Variants in NBEA observed in about 807,000 individuals in gnomAD.
NBEA encodes the protein lysosomal-trafficking regulator 2.
A neutral mutation model predicts 343.4 loss-of-function variants in NBEA; 44 were observed. The ratio of observed to expected loss-of-function variants is 0.13; its 90% confidence interval spans 0.10 to 0.16. NBEA has a LOEUF of 0.16. Ranked by LOEUF, NBEA falls within the 10% of genes least tolerant of loss-of-function variation. The probability of loss-of-function intolerance (pLI) is 1.00; values close to 1 mark genes in which losing one functional copy is unlikely to be tolerated. For synonymous variants in NBEA, 1,175 were observed against 1,238.7 expected, an observed-to-expected ratio of 0.95 and a Z score of 1.08; for missense variants, 2,555 against 3,631.3, an observed-to-expected ratio of 0.70 and a Z score of 7.62.
intron 4 of NBEA, among the ~76,000 whole-genome samples, chr13:35,047,227 GTA>G (rs1464870835): frequency 6.6e-6 from 1 of 150,956 alleles, no homozygotes; most frequent in Non-Finnish European, 1.5e-5. Flanking sequence ...GTGTGTGTGT[GTA>G]TTTTTTTTAA....
Position 35,667,393 on chromosome 13 carries a change from C to T in NBEA, c.8484C>T (p.His2828=), listed in dbSNP as rs748575105. The T allele has an allele frequency of 2.5e-6, 4 of 1,613,916 alleles. No homozygotes were observed. The East Asian group carries it at 6.7e-5, about 27-fold the overall frequency. ...TTGCAGAGGGCCCTTGCCTTGTCCA[C>T]ACCATCACTGGAGATTTGCTGAGAG... ...SGAKEGPCLV[H]TITGDLLRAL... is the part of the protein sequence containing the mutation. Residue 2828 remains histidine (H), a synonymous_variant, in exon 57 of 59, where the codon CAC becomes CAT. Transcript: ENST00000379939.
intron 17 of NBEA, among the ~76,000 whole-genome samples, chr13:35,134,226 C>G (rs2067591808): frequency 6.6e-6 from 1 of 151,908 alleles, no homozygotes; most frequent in South Asian, 2.1e-4. Context: ...TGACATATCT[C>G]TCTCAGAATG....
At chr13:35,664,903 C>A (rs537321849) in intron 55 of NBEA, among the ~76,000 whole-genome samples, 182 bp from the exon 56 acceptor site, 1 of 152,288 alleles carries the variant, frequency 6.6e-6, no homozygotes, top group South Asian at 2.1e-4. Context: ...ATAATAGATT[C>A]GCTAGTTATG....
At chr13:35,417,470 T>C (rs543704832) in intron 38 of NBEA, among the ~76,000 whole-genome samples, 22 of 152,318 alleles carry the variant, frequency 1.4e-4, no homozygotes, top group African/African-American at 4.8e-4. Flanking sequence ...AACATCTTTG[T>C]TTCTGCCTTC....
intron 30 of NBEA, among the ~76,000 whole-genome samples, chr13:35,188,037 A>G (rs2071852661): frequency 6.6e-6 from 1 of 151,460 alleles, no homozygotes; most frequent in African/African-American, 2.4e-5. Context: ...CCTTTCCATT[A>G]TTATTCTTTC....
intron 34 of NBEA, among the ~76,000 whole-genome samples, chr13:35,264,529 C>T (rs1269806796): frequency 1.3e-5 from 2 of 151,932 alleles, no homozygotes; most frequent in African/African-American, 2.4e-5. Flanking sequence ...TTTAACAGCA[C>T]GTTTAAAAGA....
At chr13:34,971,313 A>G (rs2059990528) in intron 1 of NBEA, among the ~76,000 whole-genome samples, 1 of 152,076 alleles carries the variant, frequency 6.6e-6, no homozygotes, top group Admixed American at 6.6e-5. Flanking sequence ...GGATCATGTC[A>G]TTGGCAAACA....
At chr13:35,445,506 G>A (rs929729196) in intron 39 of NBEA, among the ~76,000 whole-genome samples, 1 of 151,698 alleles carries the variant, frequency 6.6e-6, no homozygotes, top group Admixed American at 6.6e-5. Flanking sequence ...GTTTCTAATG[G>A]ATATTAGTGG....
chr13:35,164,312 T>A (rs769577740), intron 23 of NBEA, 44 bp from the exon 24 acceptor site: 1 of 1,507,756 alleles, frequency 6.6e-7, no homozygotes, highest in South Asian at 1.3e-5. Context: ...AGCTTTTCAT[T>A]TAAGTAAGCC....
intron 47 of NBEA, among the ~76,000 whole-genome samples, chr13:35,602,167 C>T (rs2082083585): frequency 6.6e-6 from 1 of 152,156 alleles, no homozygotes; most frequent in African/African-American, 2.4e-5. Context: ...TGCACATAAC[C>T]AGTTAAATCT....
intron 10 of NBEA, 48 bp from the exon 11 acceptor site, chr13:35,098,249 T>G: frequency 7.6e-7 from 1 of 1,307,804 alleles, no homozygotes; most frequent in Non-Finnish European, 1.1e-6. Context: ...ACACTGTTTA[T>G]AATAAACATG....
At chr13:35,240,847 T>G (rs1415479712) in intron 34 of NBEA, among the ~76,000 whole-genome samples, 4 of 151,908 alleles carry the variant, frequency 2.6e-5, no homozygotes, top group African/African-American at 9.6e-5. Context: ...ATTTATTTCT[T>G]TAGCTATTTA....
At chr13:35,139,744 GTTTT>G (rs36117821) in intron 17 of NBEA, among the ~76,000 whole-genome samples, 14 of 61,118 alleles carry the variant, frequency 2.3e-4, no homozygotes, top group African/African-American at 1.0e-3. Flanking sequence ...GATGGATGGC[GTTTT>G]TTTTTTTTTT....
At chr13:35,393,900 G>A (rs1259241997) in intron 38 of NBEA, among the ~76,000 whole-genome samples, 3 of 151,942 alleles carry the variant, frequency 2.0e-5, no homozygotes, top group Non-Finnish European at 2.9e-5. Flanking sequence ...TTCTCTAATA[G>A]GCTTATTTTC....
intron 34 of NBEA, among the ~76,000 whole-genome samples, chr13:35,272,617 C>T (rs999767661): frequency 8.6e-5 from 13 of 151,940 alleles, no homozygotes; most frequent in African/African-American, 3.1e-4. Context: ...ACCCATCTCA[C>T]GTGCAAAGAC....
At chr13:35,118,638 G>A (rs2066628150) in intron 16 of NBEA, among the ~76,000 whole-genome samples, 164 bp downstream of exon 16, 1 of 152,106 alleles carries the variant, frequency 6.6e-6, no homozygotes, top group African/African-American at 2.4e-5. Flanking sequence ...TCAGGAAACT[G>A]ATGAAGTGTA....
rs181474044 is a variant in NBEA, at chr13:35,634,328, G to A, written c.7617+6080G>A. 6.2e-3 allele frequency among the ~76,000 whole-genome samples: 945 copies of A among 152,282 alleles called. 11 individuals are homozygous for A. Among genetic ancestry groups the A allele is most frequent in the African/African-American group, 0.021 (891 of 41,546 alleles). ...ACTGCACTCCAGCCTGGGCGACAGA[G>A]TGAGACTATCTGAAAAAAAAGTTTT... On this transcript the variant is annotated intron_variant, in intron 49 of 58. Coordinates refer to ENST00000379939, the MANE Select transcript of NBEA (RefSeq NM_001385012.1).
chr13:35,452,233 C>A lies in NBEA; in HGVS notation c.6446C>A (p.Ala2149Glu). The change falls in exon 40 of 59, where the codon GCA becomes GAA. Residue 2149 changes from alanine (A) to glutamate (E), a missense_variant and splice_region_variant. Physicochemically the swap from Ala to Glu is moderately radical, Grantham distance 107. Coordinates refer to ENST00000379939, the MANE Select transcript of NBEA (RefSeq NM_001385012.1). ...LLQEKEIDNL[A>E]GPVVLSTPAQ... Reference sequence around the variant, plus strand: ...CAGGAGAAAGAAATTGACAACCTTGCAGGTAAATTTTAAAATATATTTTTC... The same window carrying A: ...CAGGAGAAAGAAATTGACAACCTTGAAGGTAAATTTTAAAATATATTTTTC... 1 of 1,555,452 alleles carries A rather than the reference C, an allele frequency of 6.4e-7. No individual in the cohort carries two copies.
intron 18 of NBEA, among the ~76,000 whole-genome samples, chr13:35,153,983 G>A (rs558212052): frequency 5.8e-4 from 88 of 152,190 alleles, no homozygotes; most frequent in Non-Finnish European, 9.6e-4. Context: ...ATTTTATCTC[G>A]TGTCAACTCC....
Sources: gnomAD v4.1 joint callset for allele counts (sites outside exome capture counted in the v4.1 genomes callset) on GRCh38, gnomAD v4.1.1 for gene constraint, MANE v1.5 for transcripts, NCBI Gene and HGNC (gene_info 2026-07-23, HGNC 2026-07-21) for gene names.